Variants in PRKG1 observed in about 807,000 individuals in gnomAD.
The protein encoded by PRKG1 is protein kinase cGMP-dependent 1.
PRKG1 carries 35 observed loss-of-function variants against 88.1 expected under a neutral mutation model. The observed-to-expected ratio is 0.40, with a 90% CI of 0.30 to 0.53. PRKG1 has a LOEUF of 0.53. Among genes scored for constraint, PRKG1 ranks in the 20% least tolerant of loss-of-function variants. PRKG1 has a pLI of 0.59. For missense variants in PRKG1, 540 were observed against 839.8 expected (o/e 0.64, Z 4.41); for synonymous variants, 303 against 292.5 (o/e 1.04, Z -0.37).
chr10:51,947,424 G>A (rs891001827), intron 5 of PRKG1, among the ~76,000 whole-genome samples: 1 of 152,120 alleles, frequency 6.6e-6, no homozygotes, highest in Non-Finnish European at 1.5e-5. Context: ...CCCAAGTGAG[G>A]CAATGCCTCG....
chr10:52,293,501 T>A (rs1842315258), intron 17 of PRKG1, among the ~76,000 whole-genome samples: 1 of 152,124 alleles, frequency 6.6e-6, no homozygotes, highest in South Asian at 2.1e-4. Context: ...CGCTACATGA[T>A]CACTCTTATA....
At chr10:52,131,014 G>T (rs1837240058) in intron 7 of PRKG1, among the ~76,000 whole-genome samples, 1 of 152,114 alleles carries the variant, frequency 6.6e-6, no homozygotes, top group Non-Finnish European at 1.5e-5. Context: ...CATAGTGAGT[G>T]GCTACTCGTA....
intron 4 of PRKG1, among the ~76,000 whole-genome samples, chr10:51,842,276 G>A (rs539258077): frequency 2.8e-4 from 42 of 152,242 alleles, no homozygotes; most frequent in Non-Finnish European, 5.0e-4. Flanking sequence ...TGTCAATCTG[G>A]GATTGCTAAG....
chr10:51,019,502 G>T (rs1397959191), intron 1 of PRKG1, among the ~76,000 whole-genome samples: 1 of 152,036 alleles, frequency 6.6e-6, no homozygotes, highest in Non-Finnish European at 1.5e-5. Context: ...AACTCAAAAT[G>T]GATCAAAGGC....
chr10:51,214,644 A>T (rs561202506), intron 2 of PRKG1, among the ~76,000 whole-genome samples: 3,059 of 150,754 alleles, frequency 0.02, 44 homozygotes, highest in Middle Eastern at 0.045. Context: ...CCCCAGCTAT[A>T]TTTTTTTTTA....
intron 5 of PRKG1, among the ~76,000 whole-genome samples, chr10:52,043,038 C>A (rs529160932): frequency 6.6e-6 from 1 of 152,144 alleles, no homozygotes; most frequent in Admixed American, 6.5e-5. Context: ...CACCTCACTC[C>A]AGTTAGAATT....
At chr10:52,120,178 G>A (rs1016926583) in intron 7 of PRKG1, among the ~76,000 whole-genome samples, 3 of 152,168 alleles carry the variant, frequency 2.0e-5, no homozygotes, top group Non-Finnish European at 4.4e-5. Flanking sequence ...ATTCATTCAT[G>A]AGGGCAGAAC....
At chr10:51,357,975 A>T (rs374588490) in intron 2 of PRKG1, among the ~76,000 whole-genome samples, 61 of 152,024 alleles carry the variant, frequency 4.0e-4, no homozygotes, top group African/African-American at 1.4e-3. Flanking sequence ...TTTTTAAGTT[A>T]CAAAACTTTT....
chr10:52,153,418 A>G (rs1322681295), intron 8 of PRKG1, among the ~76,000 whole-genome samples: 11 of 152,356 alleles, frequency 7.2e-5, no homozygotes, highest in East Asian at 3.9e-4. Context: ...GTCTACCATC[A>G]TAACAAAACC....
intron 8 of PRKG1, among the ~76,000 whole-genome samples, chr10:52,137,032 T>A (rs1311802851): frequency 6.6e-6 from 1 of 152,120 alleles, no homozygotes; most frequent in Non-Finnish European, 1.5e-5. Context: ...AAAAGCCTGC[T>A]GCTGATATCT....
At chr10:51,959,300 G>A (rs548779108) in intron 5 of PRKG1, among the ~76,000 whole-genome samples, 1 of 152,282 alleles carries the variant, frequency 6.6e-6, no homozygotes, top group Admixed American at 6.5e-5. Context: ...TTGTAGAGGA[G>A]AAAATAGTTG....
At chr10:51,186,963 T>TATAC (rs1412346232) in intron 2 of PRKG1, among the ~76,000 whole-genome samples, 1 of 143,020 alleles carries the variant, frequency 7.0e-6, no homozygotes, top group African/African-American at 2.6e-5. Context: ...GTTATATATA[T>TATAC]ATATATATAT....
At chr10:52,155,458 T>C (rs890059020) in intron 8 of PRKG1, among the ~76,000 whole-genome samples, 3 of 152,168 alleles carry the variant, frequency 2.0e-5, no homozygotes, top group African/African-American at 7.2e-5. Flanking sequence ...AGTCATTTCA[T>C]ATTGGATATT....
chr10:51,188,344 C>A (rs1384162268), intron 2 of PRKG1, among the ~76,000 whole-genome samples: 1 of 151,924 alleles, frequency 6.6e-6, no homozygotes, highest in Non-Finnish European at 1.5e-5. Context: ...TGACAAACAA[C>A]TATATACCAC....
chr10:51,580,618 C>G (rs1221242722), intron 3 of PRKG1, among the ~76,000 whole-genome samples: 1 of 152,016 alleles, frequency 6.6e-6, no homozygotes, highest in Non-Finnish European at 1.5e-5. Flanking sequence ...CCTACATTAG[C>G]TTAATATACT....
At chr10:52,032,815 C>T (rs1845503908) in intron 5 of PRKG1, among the ~76,000 whole-genome samples, 1 of 152,098 alleles carries the variant, frequency 6.6e-6, no homozygotes, top group Non-Finnish European at 1.5e-5. Context: ...CTGAATTGGA[C>T]ATATCTTCAT....
At chr10:51,189,377 C>G (rs1049907008) in intron 2 of PRKG1, among the ~76,000 whole-genome samples, 1 of 151,762 alleles carries the variant, frequency 6.6e-6, no homozygotes, top group South Asian at 2.1e-4. Context: ...ACACAGGGAA[C>G]CGAATTAAAG....
At chr10:51,556,944 G>A (rs1837328605) in intron 3 of PRKG1, among the ~76,000 whole-genome samples, 1 of 150,900 alleles carries the variant, frequency 6.6e-6, no homozygotes, top group African/African-American at 2.4e-5. Context: ...CAGTTATGTT[G>A]ACTTTCATGG....
At chr10:52,221,939 G>C (rs1840254958) in intron 9 of PRKG1, among the ~76,000 whole-genome samples, 1 of 152,208 alleles carries the variant, frequency 6.6e-6, no homozygotes, top group South Asian at 2.1e-4. Flanking sequence ...CTGAAGCAGA[G>C]GTGGTTAGGT....
Sources: gnomAD v4.1 joint callset for allele counts (sites outside exome capture counted in the v4.1 genomes callset) on GRCh38, gnomAD v4.1.1 for gene constraint, MANE v1.5 for transcripts, NCBI Gene and HGNC (gene_info 2026-07-23, HGNC 2026-07-21) for gene names.